Variants in RANBP17 observed in about 807,000 individuals in gnomAD.
RANBP17 encodes ran-binding protein 17.
A neutral mutation model predicts 141.2 loss-of-function variants in RANBP17; 158 were observed. The observed-to-expected ratio is 1.12, with a 90% confidence interval of 0.98 to 1.28. RANBP17 has a LOEUF of 1.28. Ranked by LOEUF, RANBP17 falls within the 50% of genes most tolerant of loss-of-function variation. The pLI is 0.00. For missense variants in RANBP17, 1,438 were observed against 1,290.7 expected, an observed-to-expected ratio of 1.11 and a Z score of -1.75; for synonymous variants, 430 against 450.0, an observed-to-expected ratio of 0.96 and a Z score of 0.56.
chr5:170,969,153 A>G (rs1457913874), intron 14 of RANBP17, among the ~76,000 whole-genome samples: 2 of 151,690 alleles, frequency 1.3e-5, no homozygotes, highest in Non-Finnish European at 3.0e-5. Flanking sequence ...GGATTTTCTG[A>G]TAATAATAAT....
chr5:170,958,532 G>T (rs1775909370), intron 13 of RANBP17, among the ~76,000 whole-genome samples: 1 of 152,140 alleles, frequency 6.6e-6, no homozygotes, highest in African/African-American at 2.4e-5. Context: ...AGAATATTGA[G>T]ATTCTAAACT....
chr5:171,028,752 A>G (rs1206664314), intron 14 of RANBP17: 1 of 398,998 alleles, frequency 2.5e-6, no homozygotes, highest in Non-Finnish European at 4.8e-6. Context: ...GCTTGCATAC[A>G]GAGAAGAGCT....
intron 14 of RANBP17, among the ~76,000 whole-genome samples, chr5:171,099,549 C>T (rs1471644968): frequency 6.6e-6 from 1 of 152,118 alleles, no homozygotes; most frequent in Non-Finnish European, 1.5e-5. Flanking sequence ...CATCTGCAAA[C>T]AAAGATAATT....
chr5:171,186,289 G>T (rs1053645821), intron 18 of RANBP17, among the ~76,000 whole-genome samples: 1 of 152,050 alleles, frequency 6.6e-6, no homozygotes, highest in Non-Finnish European at 1.5e-5. Flanking sequence ...TTCATCAATG[G>T]TCTTAGCTAG....
intron 14 of RANBP17, among the ~76,000 whole-genome samples, chr5:170,976,611 T>TA (rs1351223359): frequency 1.3e-5 from 2 of 152,154 alleles, no homozygotes; most frequent in Non-Finnish European, 2.9e-5. Context: ...AGTTGTTACT[T>TA]ACAATAATAT....
At chr5:170,951,025 T>C (rs1257804288) in intron 12 of RANBP17, among the ~76,000 whole-genome samples, 3 of 151,974 alleles carry the variant, frequency 2.0e-5, no homozygotes, top group Non-Finnish European at 4.4e-5. Context: ...ATTCATTTCA[T>C]TGAGGTAAAG....
chr5:170,888,475 AG>A (rs1303133387), intron 3 of RANBP17, among the ~76,000 whole-genome samples: 1 of 152,086 alleles, frequency 6.6e-6, no homozygotes, highest in African/African-American at 2.4e-5. Flanking sequence ...TTCATTTTTG[AG>A]GGTACTAATG....
intron 14 of RANBP17, among the ~76,000 whole-genome samples, chr5:171,114,716 C>T (rs780814083): frequency 3.4e-5 from 5 of 148,690 alleles, no homozygotes; most frequent in Admixed American, 6.8e-5. Context: ...TAGATGGTTT[C>T]TAACAGAACT....
intron 14 of RANBP17, among the ~76,000 whole-genome samples, chr5:171,094,759 A>C (rs570750210): frequency 1.3e-5 from 2 of 152,254 alleles, no homozygotes; most frequent in Non-Finnish European, 2.9e-5. Context: ...TTTTCCCAAG[A>C]GGAATGCGTT....
chr5:171,233,252 G>A (rs756788544), intron 22 of RANBP17, among the ~76,000 whole-genome samples: 1 of 152,132 alleles, frequency 6.6e-6, no homozygotes, highest in Non-Finnish European at 1.5e-5. Context: ...GGATAAGGGG[G>A]CATCTAAGTC....
At chr5:171,241,215 T>C (rs1252984400) in intron 23 of RANBP17, 73 bp downstream of exon 23, 13 of 1,116,524 alleles carry the variant, frequency 1.2e-5, no homozygotes, top group Admixed American at 1.1e-4. Context: ...GGAAGTGTTA[T>C]AATGAAGCCC....
At chr5:171,291,487 A>G (rs1371371470) in intron 25 of RANBP17, among the ~76,000 whole-genome samples, 3 of 152,164 alleles carry the variant, frequency 2.0e-5, no homozygotes, top group African/African-American at 7.2e-5. Context: ...CCTTGTACCA[A>G]ATACTGATGG....
At chr5:171,215,090 T>G (rs368142703) in intron 21 of RANBP17, among the ~76,000 whole-genome samples, 2 of 151,254 alleles carry the variant, frequency 1.3e-5, no homozygotes, top group African/African-American at 2.4e-5. Context: ...GTGTGTGATG[T>G]TCCCCTACCT....
intron 7 of RANBP17, among the ~76,000 whole-genome samples, chr5:170,912,394 G>T (rs755048447): frequency 6.6e-6 from 1 of 151,892 alleles, no homozygotes; most frequent in Admixed American, 6.6e-5. Context: ...GGGTCTTTCT[G>T]TATTATTTTT....
At position 171,054,493 on chromosome 5, in the gene RANBP17, G is replaced by A. The variant is rs531046011; in HGVS notation, c.1710+86116G>A. Among the ~76,000 whole-genome samples the A allele has an allele frequency of 3.9e-5, 6 of 152,292 alleles. No individual in the cohort carries two copies. The South Asian group carries it at 1.2e-3, about 32-fold the overall frequency. Reference sequence around the variant, plus strand: ...GTAAATTGTCATGGCACTAGTGGGAGTGTTTTTTAGCATGCTAGTGCATTA... The same window carrying A: ...GTAAATTGTCATGGCACTAGTGGGAATGTTTTTTAGCATGCTAGTGCATTA... On this transcript the variant is annotated intron_variant, in intron 14 of 27. Transcript: ENST00000523189.
At chr5:171,196,623 A>G (rs1291372697) in intron 18 of RANBP17, among the ~76,000 whole-genome samples, 1 of 152,166 alleles carries the variant, frequency 6.6e-6, no homozygotes, top group Admixed American at 6.5e-5. Context: ...TAAGTACCAG[A>G]CACTGAGCAG....
At chr5:170,910,801 C>T in intron 6 of RANBP17, 168 bp from the exon 7 acceptor site, 1 of 604,190 alleles carries the variant, frequency 1.7e-6, no homozygotes, top group Middle Eastern at 4.7e-4. Flanking sequence ...TGAAGTTAAC[C>T]CAGTTTTTCT....
chr5:171,178,872 G>T (rs1471753724), intron 16 of RANBP17, among the ~76,000 whole-genome samples: 2 of 152,012 alleles, frequency 1.3e-5, no homozygotes, highest in African/African-American at 2.4e-5. Flanking sequence ...GGGGTTGTTT[G>T]TTTTTTTCTT....
intron 24 of RANBP17, among the ~76,000 whole-genome samples, chr5:171,248,293 G>A (rs1031486594): frequency 7.9e-5 from 12 of 151,738 alleles, no homozygotes; most frequent in Non-Finnish European, 1.5e-4. Flanking sequence ...CATGAACCCG[G>A]GAGGTGGAGC....
Sources: gnomAD v4.1 joint callset for allele counts (sites outside exome capture counted in the v4.1 genomes callset) on GRCh38, gnomAD v4.1.1 for gene constraint, MANE v1.5 for transcripts, NCBI Gene and HGNC (gene_info 2026-07-23, HGNC 2026-07-21) for gene names.